Variants in SHANK2 observed in about 807,000 individuals in gnomAD.
The protein encoded by SHANK2 is SH3 and multiple ankyrin repeat domains protein 2.
In SHANK2, 43 loss-of-function variants were observed where a neutral mutation model predicts 133.7. The observed-to-expected ratio is 0.32, with a 90% CI of 0.25 to 0.41. The LOEUF is 0.41. Ranked by LOEUF, SHANK2 falls within the 10% of genes least tolerant of loss-of-function variation. The probability of loss-of-function intolerance (pLI) is 1.00; values close to 1 mark genes in which losing one functional copy is unlikely to be tolerated. For missense variants in SHANK2, 1,994 were observed against 2,235.8 expected (o/e 0.89, Z 2.18); for synonymous variants, 1,017 against 952.8 (o/e 1.07, Z -1.24).
chr11:70,667,682 A>G (rs1214875937), intron 15 of SHANK2, among the ~76,000 whole-genome samples: 1 of 152,204 alleles, frequency 6.6e-6, no homozygotes, highest in East Asian at 1.9e-4. Flanking sequence ...CTCCCTTGGC[A>G]GCAGCACCTG....
At chr11:70,622,652 A>G (rs142387635) in intron 17 of SHANK2, among the ~76,000 whole-genome samples, 175 of 152,196 alleles carry the variant, frequency 1.1e-3, no homozygotes, top group African/African-American at 3.9e-3. Context: ...TCTGCTCATG[A>G]TCTCAAGATC....
intron 11 of SHANK2, among the ~76,000 whole-genome samples, chr11:70,824,693 C>T (rs980594036): frequency 2.0e-5 from 3 of 151,940 alleles, no homozygotes; most frequent in Admixed American, 6.6e-5. Context: ...CCCTCTGGAC[C>T]GGCAGAGACT....
At chr11:70,837,821 A>G (rs1387419417) in intron 11 of SHANK2, among the ~76,000 whole-genome samples, 2 of 151,916 alleles carry the variant, frequency 1.3e-5, no homozygotes, top group Non-Finnish European at 2.9e-5. Context: ...CTAAAAACAC[A>G]AAAAATGAGC....
At chr11:70,488,447 C>T (rs1490866847) in intron 24 of SHANK2, among the ~76,000 whole-genome samples, 2 of 152,198 alleles carry the variant, frequency 1.3e-5, no homozygotes, top group Non-Finnish European at 2.9e-5. Flanking sequence ...CATGTGAATC[C>T]TTTCATTGCC....
intron 14 of SHANK2, among the ~76,000 whole-genome samples, chr11:70,794,895 C>T (rs369247861): frequency 3.3e-5 from 5 of 152,094 alleles, no homozygotes; most frequent in East Asian, 1.9e-4. Context: ...CAGTTGGAGA[C>T]GTGGGTATAT....
intron 17 of SHANK2, chr11:70,570,818 C>G (rs1255710781): frequency 1.3e-5 from 2 of 152,270 alleles, no homozygotes; most frequent in Non-Finnish European, 1.5e-5. Context: ...GGGCCTCACA[C>G]TGAGCTCCCT....
chr11:70,833,411 C>A (rs938373076), intron 11 of SHANK2, among the ~76,000 whole-genome samples: 8 of 152,246 alleles, frequency 5.3e-5, no homozygotes, highest in African/African-American at 1.9e-4. Context: ...GTGACCCAGA[C>A]CCTGACCGGT....
chr11:71,226,040 T>C (rs1038410551), intron 1 of SHANK2, among the ~76,000 whole-genome samples: 4 of 152,126 alleles, frequency 2.6e-5, no homozygotes, highest in Non-Finnish European at 4.4e-5. Context: ...GAGAATCACC[T>C]GGACCCAGGA....
At chr11:71,071,890 C>G (rs1951147797) in intron 9 of SHANK2, among the ~76,000 whole-genome samples, 1 of 152,134 alleles carries the variant, frequency 6.6e-6, no homozygotes, top group Non-Finnish European at 1.5e-5. Context: ...AGGATGGACC[C>G]TGGCACAAAG....
intron 17 of SHANK2, among the ~76,000 whole-genome samples, chr11:70,614,152 G>A (rs1176140348): frequency 6.6e-6 from 1 of 152,162 alleles, no homozygotes; most frequent in East Asian, 1.9e-4. Flanking sequence ...GCAAGCCAGG[G>A]AAGGCCAAGG....
At chr11:70,659,776 C>T (rs1053847964) in intron 17 of SHANK2, 52 bp downstream of exon 17, 24 of 1,610,992 alleles carry the variant, frequency 1.5e-5, no homozygotes, top group Middle Eastern at 1.6e-4. Flanking sequence ...ACCCTCTCCC[C>T]GAGAGTCGGC....
intron 14 of SHANK2, among the ~76,000 whole-genome samples, chr11:70,768,687 G>C (rs1236461137): frequency 6.6e-6 from 1 of 152,222 alleles, no homozygotes; most frequent in East Asian, 1.9e-4. Flanking sequence ...TTCCAGGCAG[G>C]TTTCCCTCAT....
chr11:70,781,558 T>TTATTTATATATATATATA (rs71049941), intron 14 of SHANK2, among the ~76,000 whole-genome samples: 472 of 28,946 alleles, frequency 0.016, 15 homozygotes, highest in South Asian at 0.042. Context: ...TACTTACTTA[T>TTATTTATATATATATATA]TATATATATA....
chr11:70,821,521 G>A (rs1428295810), intron 11 of SHANK2, among the ~76,000 whole-genome samples: 3 of 152,124 alleles, frequency 2.0e-5, no homozygotes, highest in African/African-American at 7.2e-5. Context: ...CGCCTCCCAG[G>A]CTCAAACAAT....
chr11:70,903,827 A>T (rs1950059620), intron 10 of SHANK2, among the ~76,000 whole-genome samples: 1 of 152,232 alleles, frequency 6.6e-6, no homozygotes, highest in Non-Finnish European at 1.5e-5. Flanking sequence ...TGTGTGCCAG[A>T]TGCAAAGCCC....
At chr11:70,632,050 G>A (rs1555002388) in intron 17 of SHANK2, 1 of 152,208 alleles carries the variant, frequency 6.6e-6, no homozygotes, top group African/African-American at 2.4e-5. Context: ...TCTGTTCTGG[G>A]AAACGCTTCA....
At chr11:70,950,322 G>A (rs1342859753) in intron 10 of SHANK2, among the ~76,000 whole-genome samples, 3 of 151,702 alleles carry the variant, frequency 2.0e-5, no homozygotes, top group African/African-American at 2.4e-5. Context: ...GATTACAGGC[G>A]AGCACCACCA....
chr11:70,602,638 G>A (rs2060515981), intron 17 of SHANK2, among the ~76,000 whole-genome samples: 1 of 152,208 alleles, frequency 6.6e-6, no homozygotes, highest in Admixed American at 6.5e-5. Flanking sequence ...GGCAACGCCT[G>A]TATTTACTCT....
intron 15 of SHANK2, among the ~76,000 whole-genome samples, chr11:70,672,071 T>C (rs1245589089): frequency 1.3e-5 from 2 of 150,550 alleles, no homozygotes; most frequent in African/African-American, 2.4e-5. Context: ...TTTTTCTTTT[T>C]TTTTTTTTTT....
Sources: allele counts gnomAD v4.1 joint callset (sites outside exome capture counted in the v4.1 genomes callset), GRCh38; gene constraint gnomAD v4.1.1; transcripts MANE v1.5; gene names NCBI Gene and HGNC (gene_info 2026-07-23, HGNC 2026-07-21).